The following CATSPERB variants were observed in gnomAD, a reference collection of about 807,000 sequenced individuals.
The protein encoded by CATSPERB is cation channel sperm-associated auxiliary subunit beta.
A neutral mutation model predicts 128.3 loss-of-function variants in CATSPERB; 93 were observed. The ratio of observed to expected loss-of-function variants is 0.72; its 90% CI spans 0.61 to 0.86. CATSPERB has a LOEUF of 0.86. Ranked by LOEUF, CATSPERB falls within the 40% of genes least tolerant of loss-of-function variation. The pLI is 0.00. For missense variants in CATSPERB, 1,153 were observed against 1,329.5 expected, an observed-to-expected ratio of 0.87 and a Z score of 2.06; for synonymous variants, 381 against 448.8, an observed-to-expected ratio of 0.85 and a Z score of 1.91.
At chr14:91,729,512 A>G (rs757785139) in intron 1 of CATSPERB, 33 bp from the exon 2 acceptor site, 3 of 1,165,240 alleles carry the variant, frequency 2.6e-6, no homozygotes, top group Non-Finnish European at 3.8e-6. Context: ...TTTTCACTCA[A>G]TTTCTGAACA....
At chr14:91,723,573 A>G (rs1896068784) in intron 3 of CATSPERB, among the ~76,000 whole-genome samples, 1 of 152,208 alleles carries the variant, frequency 6.6e-6, no homozygotes, top group Non-Finnish European at 1.5e-5. Flanking sequence ...GAGAAGGCAT[A>G]TGAAAATGTA....
At chr14:91,652,386 C>A (rs998875377) in intron 15 of CATSPERB, among the ~76,000 whole-genome samples, 4 of 151,770 alleles carry the variant, frequency 2.6e-5, no homozygotes, top group Non-Finnish European at 5.9e-5. Flanking sequence ...AGGCTGGGCA[C>A]AGTGGCTCAT....
intron 22 of CATSPERB, among the ~76,000 whole-genome samples, chr14:91,606,005 G>A (rs7146547): frequency 0.19 from 28,898 of 151,866 alleles, 2,917 homozygotes; most frequent in East Asian, 0.41. Context: ...GTGAAACCCC[G>A]TCTCTACTAA....
intron 7 of CATSPERB, among the ~76,000 whole-genome samples, chr14:91,704,323 A>G (rs1377846111): frequency 6.6e-6 from 1 of 152,220 alleles, no homozygotes; most frequent in African/African-American, 2.4e-5. Flanking sequence ...AAATTAGGAG[A>G]CACACTAAAG....
At chr14:91,666,327 A>G (rs61990390) in intron 14 of CATSPERB, among the ~76,000 whole-genome samples, 11,855 of 152,262 alleles carry the variant, frequency 0.078, 504 homozygotes, top group Middle Eastern at 0.16. Flanking sequence ...GGATCCCTGG[A>G]TAGAGCGAGA....
chr14:91,603,169 A>T, intron 22 of CATSPERB: 1 of 790,072 alleles, frequency 1.3e-6, no homozygotes, highest in Non-Finnish European at 2.3e-6. Flanking sequence ...ATCTTTTACT[A>T]TACCTTTCAA....
chr14:91,660,039 T>C, intron 14 of CATSPERB, 58 bp from the exon 15 acceptor site: 2 of 1,474,402 alleles, frequency 1.4e-6, no homozygotes, highest in African/African-American at 1.4e-5. Flanking sequence ...AGTTGGCAGT[T>C]ACCTATCAGC....
intron 26 of CATSPERB, among the ~76,000 whole-genome samples, chr14:91,586,408 T>C (rs1250082773): frequency 2.0e-5 from 3 of 152,188 alleles, no homozygotes; most frequent in Non-Finnish European, 4.4e-5. Context: ...TGACAGATGC[T>C]TCTTTTCCTA....
chr14:91,591,873 T>C lies in CATSPERB; in HGVS notation c.2820+19A>G. 6.6e-7 allele frequency: 1 copy of C among 1,504,568 alleles called. No homozygotes were observed. The highest frequency in any genetic ancestry group is 9.3e-7 in the Non-Finnish European group (1 of 1,080,432). 93.2% of individuals were successfully genotyped at this position (1,504,568 alleles called of 1,614,324 possible). On this transcript the variant is annotated intron_variant, in intron 23 of 26. Transcript: ENST00000256343. The stretch of plus-strand genomic sequence containing the variant: ...AATAAGAAAGTATCCTGTATTCAGG[T>C]AATTAGAAATGATCTTACTTTTTCC...
At chr14:91,673,738 C>A (rs377659488) in intron 12 of CATSPERB, among the ~76,000 whole-genome samples, 1 of 152,176 alleles carries the variant, frequency 6.6e-6, no homozygotes, top group East Asian at 1.9e-4. Context: ...CAAAAATTAG[C>A]TGGACATGGT....
intron 1 of CATSPERB, among the ~76,000 whole-genome samples, chr14:91,730,698 T>C: frequency 6.6e-6 from 1 of 152,194 alleles, no homozygotes; most frequent in South Asian, 2.1e-4. Context: ...ATTTGCCAAC[T>C]CTAAGTGGAA....
chr14:91,607,666 A>C (rs1373892803), intron 22 of CATSPERB, among the ~76,000 whole-genome samples: 1 of 152,126 alleles, frequency 6.6e-6, no homozygotes, highest in Admixed American at 6.5e-5. Context: ...GAGCTAAAGA[A>C]ACACCAATTT....
chr14:91,636,558 T>C lies in CATSPERB; in HGVS notation c.1609A>G (p.Thr537Ala). ...FGQPPDMGFE[T>A]ALAPQHTSLD... ...GAGGTGTGCTGTGGGGCAAGCGCAG[T>C]CTCAAAGCCCATATCTGGAGGCTGG... Residue 537 changes from threonine (T) to alanine (A), a missense_variant, in exon 17 of 27, where the codon ACT becomes GCT. Thr to Ala is a moderately conservative substitution (Grantham distance 58, BLOSUM62 0). Coordinates refer to ENST00000256343, the MANE Select transcript of CATSPERB (RefSeq NM_024764.4). The C allele has an allele frequency of 1.9e-6, 3 of 1,613,580 alleles. No individual in the cohort carries two copies. The highest frequency in any genetic ancestry group is 2.5e-6 in the Non-Finnish European group (3 of 1,179,814).
intron 13 of CATSPERB, among the ~76,000 whole-genome samples, chr14:91,672,008 A>G (rs2139831084): frequency 6.7e-6 from 1 of 148,486 alleles, no homozygotes; most frequent in Non-Finnish European, 1.5e-5. Flanking sequence ...CAACAGAGGG[A>G]GACTCTGTCT....
intron 12 of CATSPERB, among the ~76,000 whole-genome samples, chr14:91,673,572 A>T (rs1354886253): frequency 6.6e-6 from 1 of 152,122 alleles, no homozygotes; most frequent in African/African-American, 2.4e-5. Flanking sequence ...GCTCTGACTG[A>T]TCACAATTGT....
intron 22 of CATSPERB, among the ~76,000 whole-genome samples, chr14:91,608,002 C>T (rs1282266223): frequency 3.3e-5 from 5 of 152,194 alleles, no homozygotes; most frequent in Non-Finnish European, 5.9e-5. Flanking sequence ...AGCTGAAGAG[C>T]TGGGGGCTCC....
At chr14:91,649,989 G>A (rs1399297525) in intron 15 of CATSPERB, among the ~76,000 whole-genome samples, 1 of 152,048 alleles carries the variant, frequency 6.6e-6, no homozygotes, top group African/African-American at 2.4e-5. Flanking sequence ...AATTGCTAAG[G>A]TTCAATATGC....
chr14:91,673,127 C>T, intron 12 of CATSPERB, 111 bp from the exon 13 acceptor site: 1 of 1,003,090 alleles, frequency 1.0e-6, no homozygotes, highest in South Asian at 1.8e-5. Flanking sequence ...GTTTTTTGAA[C>T]AAACATAGAA....
intron 11 of CATSPERB, among the ~76,000 whole-genome samples, chr14:91,674,517 A>G (rs1449785382): frequency 2.0e-5 from 3 of 152,080 alleles, no homozygotes; most frequent in Non-Finnish European, 2.9e-5. Flanking sequence ...ATTTTGTTCT[A>G]GTTTTATTTT....
Sources: allele counts gnomAD v4.1 joint callset (sites outside exome capture counted in the v4.1 genomes callset), GRCh38; gene constraint gnomAD v4.1.1; transcripts MANE v1.5; gene names NCBI Gene and HGNC (gene_info 2026-07-23, HGNC 2026-07-21).